Variants in UBE2Q2 observed in about 807,000 individuals in gnomAD.
UBE2Q2 encodes the protein ubiquitin-conjugating enzyme E2 Q2.
UBE2Q2 carries 54 observed loss-of-function variants against 59.9 expected under a neutral mutation model. The ratio of observed to expected loss-of-function variants is 0.90; its 90% CI spans 0.72 to 1.13. The LOEUF is 1.13. UBE2Q2 is among the 50% of genes most tolerant of loss of function. UBE2Q2 has a pLI of 0.00. For missense variants in UBE2Q2, 433 were observed against 441.9 expected (o/e 0.98, Z 0.18); for synonymous variants, 165 against 155.2 (o/e 1.06, Z -0.47).
intron 12 of UBE2Q2, among the ~76,000 whole-genome samples, 169 bp downstream of exon 12, chr15:75,897,230 T>A (rs1033821011): frequency 9.2e-5 from 14 of 151,816 alleles, no homozygotes; most frequent in Non-Finnish European, 1.8e-4. Context: ...TTATTTATTT[T>A]ATTTTATTTT....
At chr15:75,865,885 G>T (rs1190974859) in intron 3 of UBE2Q2, among the ~76,000 whole-genome samples, 2 of 149,312 alleles carry the variant, frequency 1.3e-5, no homozygotes, top group African/African-American at 2.5e-5. Flanking sequence ...TCTGTTATTT[G>T]TTCAACAAAT....
chr15:75,868,112 T>C (rs543214912), intron 3 of UBE2Q2, among the ~76,000 whole-genome samples: 42 of 152,276 alleles, frequency 2.8e-4, no homozygotes, highest in African/African-American at 1.0e-3. Flanking sequence ...TCCATCAGAG[T>C]GTCTAATAAC....
Position 75,854,371 on chromosome 15 carries a change from C to T in UBE2Q2, c.181-15C>T. 2 of 1,593,824 alleles carry T rather than the reference C, an allele frequency of 1.3e-6. No homozygotes were observed. Among genetic ancestry groups the T allele is most frequent in the South Asian group, 2.2e-5 (2 of 89,194 alleles). On this transcript the variant is annotated splice_polypyrimidine_tract_variant and intron_variant, in intron 1 of 12. Coordinates refer to ENST00000267938, the MANE Select transcript of UBE2Q2 (RefSeq NM_173469.4). ...CTGTATGTAAATGTTTAACATGTGT[C>T]TCTGTGTTAAACAGGAATCCTATCC...
At chr15:75,858,661 C>T (rs1188998155) in intron 2 of UBE2Q2, among the ~76,000 whole-genome samples, 1 of 152,100 alleles carries the variant, frequency 6.6e-6, no homozygotes, top group African/African-American at 2.4e-5. Flanking sequence ...TGGTATGACT[C>T]CACTACCCTG....
At chr15:75,894,000 T>C (rs1899253423) in intron 11 of UBE2Q2, among the ~76,000 whole-genome samples, 1 of 152,218 alleles carries the variant, frequency 6.6e-6, no homozygotes, top group Admixed American at 6.5e-5. Flanking sequence ...AAGGACAGTG[T>C]CATTCTCTGA....
At chr15:75,877,271 G>C (rs1898141705) in intron 6 of UBE2Q2, among the ~76,000 whole-genome samples, 1 of 148,830 alleles carries the variant, frequency 6.7e-6, no homozygotes. Context: ...TTTGCTTAAA[G>C]AATAAAAACA....
At chr15:75,884,712 T>C (rs981191493) in intron 9 of UBE2Q2, among the ~76,000 whole-genome samples, 1 of 152,030 alleles carries the variant, frequency 6.6e-6, no homozygotes, top group Non-Finnish European at 1.5e-5. Flanking sequence ...CAGGCTGGAG[T>C]GCAGTGGTGC....
chr15:75,855,889 C>T (rs745473993), intron 2 of UBE2Q2, among the ~76,000 whole-genome samples: 2 of 152,054 alleles, frequency 1.3e-5, no homozygotes, highest in East Asian at 1.9e-4. Flanking sequence ...TCTTCATATT[C>T]GTAAATGTAA....
intron 7 of UBE2Q2, 105 bp downstream of exon 7, chr15:75,878,126 G>C (rs1214758700): frequency 1.1e-6 from 1 of 903,668 alleles, no homozygotes; most frequent in Non-Finnish European, 1.7e-6. Context: ...CTTTTACTTA[G>C]AACTTTAGAC....
At chr15:75,880,011 G>A (rs1898314406) in intron 8 of UBE2Q2, among the ~76,000 whole-genome samples, 1 of 151,984 alleles carries the variant, frequency 6.6e-6, no homozygotes, top group Admixed American at 6.5e-5. Flanking sequence ...CCAGGTTGAT[G>A]GTTACATGAG....
intron 9 of UBE2Q2, among the ~76,000 whole-genome samples, chr15:75,887,626 G>A (rs1353630151): frequency 1.4e-5 from 2 of 145,710 alleles, no homozygotes; most frequent in Non-Finnish European, 3.0e-5. Flanking sequence ...TCATCTTTCT[G>A]TATAACTGGT....
chr15:75,864,626 G>C (rs62028929), intron 3 of UBE2Q2, among the ~76,000 whole-genome samples: 22 of 149,116 alleles, frequency 1.5e-4, no homozygotes, highest in Non-Finnish European at 3.0e-4. Context: ...AAAAAAAAAG[G>C]ATCGCTTCAT....
intron 3 of UBE2Q2, among the ~76,000 whole-genome samples, chr15:75,867,605 C>T (rs1022219436): frequency 6.6e-6 from 1 of 152,136 alleles, no homozygotes; most frequent in African/African-American, 2.4e-5. Flanking sequence ...ACGATTAACT[C>T]ACTTTTTGTT....
intron 1 of UBE2Q2, chr15:75,844,190 G>A: frequency 1.4e-6 from 2 of 1,406,864 alleles, no homozygotes; most frequent in Non-Finnish European, 1.9e-6. Flanking sequence ...TCCCGGGACC[G>A]GGGCGGGGCG....
rs1898071166 is a variant in UBE2Q2, at chr15:75,876,208, C to T, written c.610C>T (p.Gln204Ter). 1.9e-6 allele frequency: 3 copies of T among 1,613,880 alleles called. No homozygotes were observed. The highest frequency in any genetic ancestry group is 2.2e-5 in the South Asian group (2 of 91,086). The change falls in exon 6 of 13, where the codon CAA becomes TAA. Residue 204 changes from glutamine (Q) to a stop codon, truncating the protein, a stop_gained. Transcript: ENST00000267938. LOFTEE classifies it high-confidence loss of function. ...TCAGGGTGCAGTGTCTGGGTCAGTG[C>T]AAGCTTCAGATAGACTTATGAAAGA... ...HLNGAVSGSVQASDRLMKELR... is the reference protein window; with the variant it reads ...HLNGAVSGSV
rs375545385 is a variant in UBE2Q2, at chr15:75,850,003, C to T, written c.181-4383C>T. 1.1e-4 allele frequency among the ~76,000 whole-genome samples: 16 copies of T among 152,186 alleles called. No homozygotes were observed. In the East Asian group the frequency reaches 1.5e-3, roughly 15 times the overall value. ...AGCTTAGTTAACCTTATCAAAATTA[C>T]AAAACTTAAAGCATGTGAAAGATTG... On this transcript the variant is annotated intron_variant, in intron 1 of 12. Coordinates refer to ENST00000267938, the MANE Select transcript of UBE2Q2 (RefSeq NM_173469.4).
Position 75,854,445 on chromosome 15 carries a change from A to G in UBE2Q2, c.240A>G (p.Thr80=). 6.2e-7 allele frequency: 1 copy of G among 1,613,636 alleles called. No homozygotes were observed. The highest frequency in any genetic ancestry group is 1.7e-5 in the Admixed American group (1 of 59,994). ...TGGATTCTGAAGACCCAAATCTGACATCAGTTCTGGAACGTCTAGAAGATA... is the reference window on the plus strand; with the variant it reads ...TGGATTCTGAAGACCCAAATCTGACGTCAGTTCTGGAACGTCTAGAAGATA... ...WFVDSEDPNL[T]SVLERLEDTK... is the part of the protein sequence containing the mutation. The change falls in exon 2 of 13, where the codon ACA becomes ACG. Residue 80 remains threonine (T), a synonymous_variant. Transcript: ENST00000267938.
At chr15:75,872,660 C>T (rs1393855889) in intron 4 of UBE2Q2, among the ~76,000 whole-genome samples, 7 of 151,358 alleles carry the variant, frequency 4.6e-5, no homozygotes, top group African/African-American at 1.7e-4. Context: ...TCTCAGCCTC[C>T]TGAGGACCTG....
intron 1 of UBE2Q2, among the ~76,000 whole-genome samples, chr15:75,847,568 A>T (rs1896418807): frequency 1.3e-5 from 2 of 152,196 alleles, no homozygotes; most frequent in Admixed American, 1.3e-4. Context: ...CTGTTATACA[A>T]ACTTAAGTAT....
Sources: allele counts gnomAD v4.1 joint callset (sites outside exome capture counted in the v4.1 genomes callset), GRCh38; gene constraint gnomAD v4.1.1; transcripts MANE v1.5; gene names NCBI Gene and HGNC (gene_info 2026-07-23, HGNC 2026-07-21).